KLHL24: variants seen among roughly 807,000 people sequenced by gnomAD.
The protein encoded by KLHL24 is kelch-like protein 24.
KLHL24 carries 29 observed loss-of-function variants against 53.4 expected under a neutral mutation model. That is an observed-to-expected ratio of 0.54 (90% CI 0.40 to 0.74). The LOEUF is 0.74. Ranked by LOEUF, KLHL24 falls within the 30% of genes least tolerant of loss-of-function variation. KLHL24 has a pLI of 0.00. For synonymous variants in KLHL24, 222 were observed against 253.7 expected (o/e 0.88, Z 1.19); for missense variants, 504 against 744.0 (o/e 0.68, Z 3.75).
At chr3:183,677,777 G>T (rs1448436845) in intron 7 of KLHL24, among the ~76,000 whole-genome samples, 1 of 151,672 alleles carries the variant, frequency 6.6e-6, no homozygotes, top group African/African-American at 2.4e-5. Context: ...TTAATGTAGG[G>T]TTTTTTGTTT....
chr3:183,661,728 G>A (rs1056846614), intron 3 of KLHL24, among the ~76,000 whole-genome samples: 3 of 152,132 alleles, frequency 2.0e-5, no homozygotes, highest in African/African-American at 7.2e-5. Flanking sequence ...CTTGAAAAAG[G>A]CAAGCGAGTT....
At chr3:183,667,887 A>AT (rs1186215590) in intron 5 of KLHL24, among the ~76,000 whole-genome samples, 2 of 151,502 alleles carry the variant, frequency 1.3e-5, no homozygotes, top group Admixed American at 6.6e-5. Flanking sequence ...TAATTTTGGT[A>AT]TTTTTTGTGG....
At chr3:183,670,758 C>T (rs1399181298) in intron 5 of KLHL24, among the ~76,000 whole-genome samples, 1 of 151,988 alleles carries the variant, frequency 6.6e-6, no homozygotes, top group Non-Finnish European at 1.5e-5. Context: ...GATATACATA[C>T]ATTAAGGTAA....
intron 5 of KLHL24, among the ~76,000 whole-genome samples, chr3:183,665,680 G>A (rs1377528714): frequency 1.3e-5 from 2 of 152,068 alleles, no homozygotes; most frequent in Non-Finnish European, 2.9e-5. Context: ...AACCCGGGAG[G>A]CGGAGGTTGC....
chr3:183,649,984 A>G (rs141849808), intron 2 of KLHL24, among the ~76,000 whole-genome samples: 465 of 152,332 alleles, frequency 3.1e-3, no homozygotes, highest in African/African-American at 0.011. Context: ...ACTTAACTCT[A>G]CAGTCAATAG....
rs1712848429 is a variant in KLHL24 at position 183,683,046 on chromosome 3, A to T, written c.*3760A>T. ...ACTGCAACCTCCACCTCCCGGGTTCAAGGGATTCTGCCTCAGCCTCCCGAG... is the reference window on the plus strand; with the variant it reads ...ACTGCAACCTCCACCTCCCGGGTTCTAGGGATTCTGCCTCAGCCTCCCGAG... On this transcript the variant is annotated 3_prime_UTR_variant, in exon 8 of 8. Transcript: ENST00000242810. The T allele has an allele frequency of 6.6e-6, 1 of 151,734 alleles. No homozygotes were observed. The highest frequency in any genetic ancestry group is 2.4e-5 in the African/African-American group (1 of 41,180). The allele number at this position is 151,734 out of a possible 1,614,324, so 9.4% of individuals were successfully genotyped here.
At chr3:183,673,500 G>T (rs971348138) in intron 7 of KLHL24, among the ~76,000 whole-genome samples, 1 of 152,010 alleles carries the variant, frequency 6.6e-6, no homozygotes, top group African/African-American at 2.4e-5. Context: ...TTGGTTAGAG[G>T]CTGGGAAATC....
At chr3:183,661,538 T>A (rs1719797675) in intron 3 of KLHL24, among the ~76,000 whole-genome samples, 2 of 152,202 alleles carry the variant, frequency 1.3e-5, no homozygotes, top group Non-Finnish European at 2.9e-5. Context: ...AATAGGATAT[T>A]TAATACAGGC....
At chr3:183,660,613 A>C (rs1352968613) in intron 3 of KLHL24, among the ~76,000 whole-genome samples, 1 of 152,042 alleles carries the variant, frequency 6.6e-6, no homozygotes, top group African/African-American at 2.4e-5. Context: ...TTAGTTTCTG[A>C]TGATAAATTC....
intron 3 of KLHL24, among the ~76,000 whole-genome samples, chr3:183,659,734 A>C (rs374682799): frequency 0.33 from 50,679 of 151,914 alleles, 9,251 homozygotes; most frequent in African/African-American, 0.49. Flanking sequence ...ATGTGGCAGA[A>C]ACACATAGGT....
chr3:183,650,187 A>T lies in KLHL24; in HGVS notation c.-61-109A>T. ...CATGAGATAGTGCTGTGTACCCTAT[A>T]TGAAATATATTATGTGATTTTGTTG... On this transcript the variant is annotated intron_variant, in intron 2 of 7. Coordinates refer to ENST00000242810, the MANE Select transcript of KLHL24 (RefSeq NM_017644.3). The surrounding 1 kb of genome is among the most constrained non-coding windows in gnomAD (Gnocchi z 4.5). 1 of 594,976 alleles carries T rather than the reference A, an allele frequency of 1.7e-6. No individual in the cohort carries two copies. Among genetic ancestry groups the T allele is most frequent in the African/African-American group, 1.9e-5 (1 of 54,038 alleles). 36.9% of individuals were successfully genotyped at this position (594,976 alleles called of 1,614,324 possible).
Position 183,663,306 on chromosome 3 carries a change from C to T in KLHL24, c.921-152C>T. On this transcript the variant is annotated intron_variant, in intron 3 of 7. Transcript: ENST00000242810. This position sits in a 1 kb window ranked among gnomAD's most constrained non-coding sequence, Gnocchi z 4.9. ...TAAACGTTCTCAAAGTAAGTAATTT[C>T]CAGGCTGTACCGTTTGGCACATGCA... The T allele has an allele frequency of 2.6e-6, 1 of 383,566 alleles. No homozygotes were observed. Among genetic ancestry groups the T allele is most frequent in the Non-Finnish European group, 4.6e-6 (1 of 218,938 alleles). The allele number at this position is 383,566 out of a possible 1,614,324, so 23.8% of individuals were successfully genotyped here.
At chr3:183,662,171 A>G (rs1021789167) in intron 3 of KLHL24, among the ~76,000 whole-genome samples, 4 of 152,198 alleles carry the variant, frequency 2.6e-5, no homozygotes, top group African/African-American at 7.2e-5. Flanking sequence ...GTTTGCATGT[A>G]TAGAGAAAAT....
intron 7 of KLHL24, among the ~76,000 whole-genome samples, chr3:183,674,276 T>TTTCTTTCTTTC (rs1721799153): frequency 6.6e-6 from 1 of 150,786 alleles, no homozygotes; most frequent in African/African-American, 2.4e-5. Context: ...TCTTTCTTTC[T>TTTCTTTCTTTC]TTCTTTCTTT....
intron 3 of KLHL24, among the ~76,000 whole-genome samples, chr3:183,657,513 A>T (rs1030720055): frequency 2.0e-5 from 3 of 152,242 alleles, no homozygotes; most frequent in African/African-American, 7.2e-5. Flanking sequence ...TGAGAAGACC[A>T]AGGAGTTCTA....
At chr3:183,656,059 T>TTTTTTCTTTTTC (rs1178459038) in intron 3 of KLHL24, among the ~76,000 whole-genome samples, 1 of 135,684 alleles carries the variant, frequency 7.4e-6, no homozygotes, top group Non-Finnish European at 1.6e-5. Flanking sequence ...TTTTTTTTTT[T>TTTTTTCTTTTTC]TTTCTGAGAC....
rs866190299 is a variant in KLHL24, at chr3:183,651,109, C to T, written c.753C>T (p.Leu251=). 1 of 1,614,158 alleles carries T rather than the reference C, an allele frequency of 6.2e-7. No homozygotes were observed. The highest frequency in any genetic ancestry group is 1.1e-5 in the South Asian group (1 of 91,082). ...VDLRRPLLHE[L]LTHVRLPLLH... ...TGAGAAGACCACTGTTACACGAGCTCCTGACACATGTGAGACTCCCTCTGT... is the reference window on the plus strand; with the variant it reads ...TGAGAAGACCACTGTTACACGAGCTTCTGACACATGTGAGACTCCCTCTGT... Residue 251 remains leucine, a synonymous_variant, in exon 3 of 8, where the codon CTC becomes CTT. Transcript: ENST00000242810.
At chr3:183,646,408 C>T (rs1717257124) in intron 2 of KLHL24, among the ~76,000 whole-genome samples, 1 of 151,516 alleles carries the variant, frequency 6.6e-6, no homozygotes. Flanking sequence ...CTCTGACTCT[C>T]CACCCTAGTG....
At chr3:183,652,500 C>T (rs1718262800) in intron 3 of KLHL24, among the ~76,000 whole-genome samples, 1 of 151,834 alleles carries the variant, frequency 6.6e-6, no homozygotes, top group South Asian at 2.1e-4. Context: ...TTTAATTATA[C>T]ATTTCAGTAA....
Sources: gnomAD v4.1 joint callset for allele counts (sites outside exome capture counted in the v4.1 genomes callset) on GRCh38, gnomAD v4.1.1 for gene constraint, Gnocchi (gnomAD v3.1) non-coding constraint, MANE v1.5 for transcripts, NCBI Gene and HGNC (gene_info 2026-07-23, HGNC 2026-07-21) for gene names.